Variants in CCDC102B observed in about 807,000 individuals in gnomAD.
The protein encoded by CCDC102B is coiled-coil domain containing 102B, also known as coiled-coil domain-containing protein 102B.
A neutral mutation model predicts 57.4 loss-of-function variants in CCDC102B; 75 were observed. That is an observed-to-expected ratio of 1.31 (90% CI 1.08 to 1.58). The LOEUF is 1.58. Ranked by LOEUF, CCDC102B falls within the 40% of genes most tolerant of loss-of-function variation. The pLI is 0.00. For missense variants in CCDC102B, 636 were observed against 582.6 expected, an observed-to-expected ratio of 1.09 and a Z score of -0.94; for synonymous variants, 206 against 201.9, an observed-to-expected ratio of 1.02 and a Z score of -0.17.
At chr18:68,790,523 A>G (rs1224141107) in intron 2 of CCDC102B, among the ~76,000 whole-genome samples, 3 of 151,934 alleles carry the variant, frequency 2.0e-5, no homozygotes, top group Non-Finnish European at 2.9e-5. Context: ...GCGGGATATA[A>G]TCTCGTGGTG....
chr18:68,990,707 T>C (rs1436488596), intron 6 of CCDC102B, among the ~76,000 whole-genome samples: 1 of 152,186 alleles, frequency 6.6e-6, no homozygotes, highest in Non-Finnish European at 1.5e-5. Flanking sequence ...AAGAATTATT[T>C]ATTCAATTAG....
intron 6 of CCDC102B, among the ~76,000 whole-genome samples, chr18:68,897,976 C>T (rs117459879): frequency 0.012 from 1,785 of 152,080 alleles, 38 homozygotes; most frequent in East Asian, 0.081. Context: ...ACCAGGATAA[C>T]ATTCAGAATT....
chr18:69,054,139 T>A lies in CCDC102B; in HGVS notation c.*2T>A. On this transcript the variant is annotated 3_prime_UTR_variant, in exon 8 of 8. Coordinates refer to ENST00000360242, the MANE Select transcript of CCDC102B (RefSeq NM_024781.3). ...CTCAGGCACTTGCAAAACTGGTAAT[T>A]TTTTCACAAAATATGCTGAATTAAA... 1 of 1,591,410 alleles carries A rather than the reference T, an allele frequency of 6.3e-7. No individual in the cohort carries two copies. The highest frequency in any genetic ancestry group is 8.5e-7 in the Non-Finnish European group (1 of 1,172,936).
At chr18:68,938,964 T>A (rs1225320335) in intron 6 of CCDC102B, among the ~76,000 whole-genome samples, 1 of 151,806 alleles carries the variant, frequency 6.6e-6, no homozygotes, top group Admixed American at 6.6e-5. Flanking sequence ...TATTAATTTG[T>A]GTATTTTACA....
chr18:69,005,648 C>T (rs1178085900), intron 6 of CCDC102B, among the ~76,000 whole-genome samples: 1 of 151,678 alleles, frequency 6.6e-6, no homozygotes, highest in East Asian at 1.9e-4. Context: ...TATCATATTA[C>T]AATTAATTCT....
At chr18:68,897,104 T>C (rs1261776613) in intron 5 of CCDC102B, 115 bp from the exon 6 acceptor site, 1 of 728,256 alleles carries the variant, frequency 1.4e-6, no homozygotes, top group Non-Finnish European at 2.3e-6. Context: ...CTTTTTAAAA[T>C]TGTATCAGTG....
At chr18:69,024,571 G>T (rs924656202) in intron 7 of CCDC102B, among the ~76,000 whole-genome samples, 3 of 151,886 alleles carry the variant, frequency 2.0e-5, no homozygotes, top group African/African-American at 7.2e-5. Context: ...GACTCTAAAG[G>T]TAAGATTATA....
intron 7 of CCDC102B, among the ~76,000 whole-genome samples, chr18:69,028,795 C>T (rs73453733): frequency 0.033 from 4,944 of 151,392 alleles, 278 homozygotes; most frequent in African/African-American, 0.11. Context: ...GAAGAGTGAA[C>T]AAGCAGCCCA....
At chr18:68,729,781 A>G (rs2032774785) in intron 2 of CCDC102B, among the ~76,000 whole-genome samples, 2 of 152,344 alleles carry the variant, frequency 1.3e-5, no homozygotes, top group South Asian at 4.1e-4. Flanking sequence ...GTCAAAGGGA[A>G]AAGATTGGTT....
intron 7 of CCDC102B, among the ~76,000 whole-genome samples, chr18:69,016,227 A>C (rs2051664602): frequency 1.3e-5 from 2 of 152,130 alleles, no homozygotes; most frequent in Admixed American, 1.3e-4. Flanking sequence ...AAATATCAAA[A>C]TAACCGACCA....
In CCDC102B at chr18:68,786,749, G is replaced by T. The variant is rs1312628912; in HGVS notation, c.-66-36617G>T. On this transcript the variant is annotated intron_variant, in intron 2 of 3. Coordinates refer to the CCDC102B transcript ENST00000578970. The stretch of plus-strand genomic sequence containing the variant: ...TGGGCTGAGACAATGGGGTTTTCTA[G>T]ATATACAATCATGTCGTCTGCAAAC... Among the ~76,000 whole-genome samples, 96 of 147,804 alleles carry T rather than the reference G, an allele frequency of 6.5e-4. 4 individuals carry two copies. Among genetic ancestry groups the T allele is most frequent in the Non-Finnish European group, 3.0e-5 (2 of 66,728 alleles).
chr18:69,007,469 C>A (rs761680790), intron 6 of CCDC102B, among the ~76,000 whole-genome samples: 2 of 152,100 alleles, frequency 1.3e-5, no homozygotes, highest in African/African-American at 4.8e-5. Flanking sequence ...TTTCTCTTTT[C>A]TCATTACACA....
At chr18:68,796,244 C>A (rs1207519872), upstream of CCDC102B, among the ~76,000 whole-genome samples, 5 of 151,938 alleles carry the variant, frequency 3.3e-5, no homozygotes, top group East Asian at 1.9e-4. Context: ...GAAGACTGGG[C>A]AAATTATTGA....
At chr18:68,920,912 C>G (rs984921351) in intron 6 of CCDC102B, among the ~76,000 whole-genome samples, 1 of 152,122 alleles carries the variant, frequency 6.6e-6, no homozygotes, top group Non-Finnish European at 1.5e-5. Flanking sequence ...GAGGACACAG[C>G]CAAACCATAT....
chr18:68,938,790 A>T (rs1052986746), intron 6 of CCDC102B, among the ~76,000 whole-genome samples: 1 of 151,628 alleles, frequency 6.6e-6, no homozygotes, highest in African/African-American at 2.4e-5. Context: ...CAGATATTTT[A>T]AAACAAATAT....
At chr18:68,963,049 G>A (rs985873026) in intron 6 of CCDC102B, among the ~76,000 whole-genome samples, 8 of 151,866 alleles carry the variant, frequency 5.3e-5, no homozygotes, top group African/African-American at 1.9e-4. Flanking sequence ...TTTAGGTAGA[G>A]AAAGAAAACA....
At chr18:68,807,796 A>G (rs2036086331) in intron 1 of CCDC102B, among the ~76,000 whole-genome samples, 1 of 152,196 alleles carries the variant, frequency 6.6e-6, no homozygotes, top group African/African-American at 2.4e-5. Context: ...TCTACTTTCT[A>G]GTTAAATTTT....
downstream of CCDC102B, among the ~76,000 whole-genome samples, chr18:69,056,805 G>A (rs2052826472): frequency 6.6e-6 from 1 of 151,944 alleles, no homozygotes; most frequent in Admixed American, 6.6e-5. Flanking sequence ...CTTTCTAAGT[G>A]TACAGGTCAG....
At chr18:68,740,022 T>C (rs1221264863) in intron 2 of CCDC102B, among the ~76,000 whole-genome samples, 1 of 152,246 alleles carries the variant, frequency 6.6e-6, no homozygotes, top group Non-Finnish European at 1.5e-5. Context: ...AACACAGTCC[T>C]GTGTTATCTC....
Sources: allele counts gnomAD v4.1 joint callset (sites outside exome capture counted in the v4.1 genomes callset), GRCh38; gene constraint gnomAD v4.1.1; transcripts MANE v1.5; gene names NCBI Gene and HGNC (gene_info 2026-07-23, HGNC 2026-07-21).